NOS1: variants seen among roughly 807,000 people sequenced by gnomAD.
The protein encoded by NOS1 is nitric oxide synthase 1, also known as NOS type I.
NOS1 carries 51 observed loss-of-function variants against 164.5 expected under a neutral mutation model. The ratio of observed to expected loss-of-function variants is 0.31; its 90% CI spans 0.25 to 0.39. The LOEUF (loss-of-function observed/expected upper bound fraction) is 0.39. NOS1 is among the 10% of genes least tolerant of loss of function. The pLI is 1.00. For missense variants in NOS1, 1,362 were observed against 1,885.6 expected (o/e 0.72, Z 5.14); for synonymous variants, 719 against 745.8 (o/e 0.96, Z 0.59).
intron 2 of NOS1, among the ~76,000 whole-genome samples, chr12:117,313,092 C>T (rs911595078): frequency 6.6e-6 from 1 of 152,106 alleles, no homozygotes; most frequent in Non-Finnish European, 1.5e-5. Context: ...ATGATCAGTG[C>T]CATCACCTTC....
In NOS1 at chr12:117,272,642, CAAGG is replaced by C. The variant is rs1872878859; in HGVS notation, c.1665-87_1665-84del. 3.8e-6 allele frequency: 5 copies of C among 1,322,334 alleles called. No homozygotes were observed. The highest frequency in any genetic ancestry group is 5.3e-6 in the Non-Finnish European group (5 of 947,030). The allele number at this position is 1,322,334 out of a possible 1,614,324, so 81.9% of individuals were successfully genotyped here. The stretch of plus-strand genomic sequence containing the variant: ...CTTGAATCTAGAGATGCTGAAATGC[CAAGG>C]ATGGACTGGGACTGACAAGGTCAGA... On this transcript the variant is annotated intron_variant, in intron 9 of 28. Coordinates refer to ENST00000317775, the MANE Select transcript of NOS1 (RefSeq NM_000620.5). The surrounding 1 kb of genome is among the most constrained non-coding windows in gnomAD (Gnocchi z 4.3).
At chr12:117,335,729 TGAGAGAGAGAGA>T (rs60613906) in intron 1 of NOS1, among the ~76,000 whole-genome samples, 45,881 of 112,588 alleles carry the variant, frequency 0.41, 8,300 homozygotes, top group Middle Eastern at 0.53. Context: ...ACAGACTATA[TGAGAGAGAGAGA>T]GAGAGAGAGA....
Position 117,222,715 on chromosome 12 carries a change from C to G in NOS1, c.3975G>C (p.Lys1325Asn). Residue 1325 changes from lysine to asparagine, a missense_variant and splice_region_variant, in exon 26 of 29, where the codon AAG becomes AAC. By Grantham distance (94) the Lys-to-Asn change is moderately conservative (BLOSUM62 0). Coordinates refer to ENST00000317775, the MANE Select transcript of NOS1 (RefSeq NM_000620.5). The part of the protein sequence containing the change: ...TAYSREPDKP[K>N]KYVQDILQEQ... ...TAGGGGGTGGGCTGCTGGGGGTTACCTTTGGTTTGTCTGGCTCCCGGGAGT... is the reference window on the plus strand; with the variant it reads ...TAGGGGGTGGGCTGCTGGGGGTTACGTTTGGTTTGTCTGGCTCCCGGGAGT... The G allele has an allele frequency of 6.2e-7, 1 of 1,613,614 alleles. No individual in the cohort carries two copies. Among genetic ancestry groups the G allele is most frequent in the Non-Finnish European group, 8.5e-7 (1 of 1,179,824 alleles).
chr12:117,321,103 G>A (rs758014146), intron 2 of NOS1, among the ~76,000 whole-genome samples: 3 of 152,156 alleles, frequency 2.0e-5, no homozygotes, highest in East Asian at 1.9e-4. Flanking sequence ...TCTGCCTCCC[G>A]AGTTCAAGCG....
intron 22 of NOS1, among the ~76,000 whole-genome samples, chr12:117,230,829 A>G (rs1427126633): frequency 2.6e-5 from 4 of 152,222 alleles, no homozygotes; most frequent in African/African-American, 9.6e-5. Flanking sequence ...GAACTGGAGG[A>G]CATCATGTTA....
At chr12:117,280,962 G>T in intron 7 of NOS1, 96 bp from the exon 8 acceptor site, 1 of 1,425,892 alleles carries the variant, frequency 7.0e-7, no homozygotes, top group Non-Finnish European at 9.6e-7. Context: ...AGCTGCTTGA[G>T]GCTCAGGGTA....
chr12:117,241,239 AG>A, intron 20 of NOS1, among the ~76,000 whole-genome samples: 1 of 152,190 alleles, frequency 6.6e-6, no homozygotes, highest in Admixed American at 6.5e-5. Context: ...TGCCTGGCCA[AG>A]TAATTTTTCT....
At chr12:117,280,124 C>T (rs768774158) in intron 8 of NOS1, among the ~76,000 whole-genome samples, 5 of 152,112 alleles carry the variant, frequency 3.3e-5, no homozygotes, top group South Asian at 2.1e-4. Context: ...GCTACCTGCC[C>T]GCACTACCAC....
At chr12:117,291,885 G>T (rs1359364678) in intron 3 of NOS1, among the ~76,000 whole-genome samples, 2 of 152,020 alleles carry the variant, frequency 1.3e-5, no homozygotes, top group African/African-American at 2.4e-5. Flanking sequence ...TACCTGCCTG[G>T]GTACAGGCAC....
At chr12:117,296,615 C>T (rs752451836) in intron 3 of NOS1, among the ~76,000 whole-genome samples, 7 of 150,930 alleles carry the variant, frequency 4.6e-5, no homozygotes, top group African/African-American at 1.7e-4. Flanking sequence ...ATTGTGGGAC[C>T]TCACCTTGTG....
chr12:117,212,959 G>A lies in NOS1; in HGVS notation c.*2350C>T, dbSNP rs2135911473. On this transcript the variant is annotated 3_prime_UTR_variant, in exon 29 of 29. Transcript: ENST00000317775. ...CAGCTTGTGTTGGGGATTGAAAGGT[G>A]TTTACTTAAAAAAAAATCTTTCTGG... 1 of 985,202 alleles carries A rather than the reference G, an allele frequency of 1.0e-6. No individual in the cohort carries two copies. The highest frequency in any genetic ancestry group is 1.2e-6 in the Non-Finnish European group (1 of 829,918). 61.0% of individuals were successfully genotyped at this position (985,202 alleles called of 1,614,324 possible).
intron 13 of NOS1, among the ~76,000 whole-genome samples, chr12:117,261,922 C>T (rs1464429856): frequency 6.6e-6 from 1 of 152,202 alleles, no homozygotes; most frequent in Non-Finnish European, 1.5e-5. Flanking sequence ...TTCTGCTCTA[C>T]TGGGCAGGGC....
chr12:117,277,163 C>T (rs973808588), intron 9 of NOS1, among the ~76,000 whole-genome samples: 2 of 152,058 alleles, frequency 1.3e-5, no homozygotes, highest in Non-Finnish European at 2.9e-5. Context: ...GCCTGTCTTT[C>T]GGATAAGCCA....
In NOS1 at chr12:117,358,019, G is replaced by A. The variant is rs117933069; in HGVS notation, c.-421+3493C>T. Among the ~76,000 whole-genome samples, 168 of 152,306 alleles carry A rather than the reference G, an allele frequency of 1.1e-3. 1 individual carries two copies. The highest frequency in any genetic ancestry group is 2.1e-3 in the Non-Finnish European group (146 of 68,030). Reference sequence around the variant, plus strand: ...GCCCCAGTTCTCACGAGCACGGATTGTTGCCTGTGGCTCTTAACCACATTC... The same window carrying A: ...GCCCCAGTTCTCACGAGCACGGATTATTGCCTGTGGCTCTTAACCACATTC... On this transcript the variant is annotated intron_variant, in intron 1 of 28. Coordinates refer to ENST00000317775, the MANE Select transcript of NOS1 (RefSeq NM_000620.5).
chr12:117,333,756 G>A (rs1875665752), intron 1 of NOS1, among the ~76,000 whole-genome samples: 1 of 152,150 alleles, frequency 6.6e-6, no homozygotes, highest in Admixed American at 6.5e-5. Context: ...GGTGTCAACC[G>A]GCTGAGTGTC....
intron 3 of NOS1, among the ~76,000 whole-genome samples, chr12:117,298,232 G>A (rs1376506601): frequency 2.6e-5 from 4 of 151,844 alleles, no homozygotes; most frequent in Non-Finnish European, 4.4e-5. Context: ...TCTCATAAGC[G>A]CAGGCAGCCT....
intron 1 of NOS1, among the ~76,000 whole-genome samples, chr12:117,351,010 A>T (rs1457709854): frequency 2.0e-5 from 3 of 152,176 alleles, no homozygotes; most frequent in Admixed American, 2.0e-4. Context: ...GCTACCCAGG[A>T]GGCTGATGCA....
intron 18 of NOS1, among the ~76,000 whole-genome samples, chr12:117,246,872 C>A (rs577309159): frequency 6.6e-5 from 10 of 152,176 alleles, no homozygotes; most frequent in Admixed American, 1.3e-4. Context: ...TTTACCCATT[C>A]ATCCTACTGA....
At chr12:117,346,046 C>T (rs1014532379) in intron 1 of NOS1, among the ~76,000 whole-genome samples, 3 of 152,234 alleles carry the variant, frequency 2.0e-5, no homozygotes, top group Non-Finnish European at 2.9e-5. Context: ...GAGAGCAGTT[C>T]CAGCCAGTGG....
Sources: allele counts gnomAD v4.1 joint callset (sites outside exome capture counted in the v4.1 genomes callset), GRCh38; gene constraint gnomAD v4.1.1; non-coding constraint Gnocchi (gnomAD v3.1); transcripts MANE v1.5; gene names NCBI Gene and HGNC (gene_info 2026-07-23, HGNC 2026-07-21).